Variants in RGS7 observed in about 807,000 individuals in gnomAD.
RGS7 encodes the protein regulator of G protein signaling 7, also known as regulator of G-protein signaling 7.
RGS7 carries 27 observed loss-of-function variants against 81.1 expected under a neutral mutation model. That is an observed-to-expected ratio of 0.33 (90% CI 0.25 to 0.46). RGS7 has a LOEUF of 0.46. Ranked by LOEUF, RGS7 falls within the 20% of genes least tolerant of loss-of-function variation. The probability of loss-of-function intolerance (pLI) is 1.00; values close to 1 mark genes in which losing one functional copy is unlikely to be tolerated. For synonymous variants in RGS7, 208 were observed against 207.7 expected (o/e 1.00, Z -0.01); for missense variants, 396 against 607.4 (o/e 0.65, Z 3.66).
At chr1:241,064,873 G>A (rs998890781) in intron 3 of RGS7, among the ~76,000 whole-genome samples, 15 of 152,184 alleles carry the variant, frequency 9.9e-5, no homozygotes, top group African/African-American at 3.4e-4. Context: ...CTCTCCAATA[G>A]AAACACCTCC....
At chr1:240,972,696 TA>T (rs34149848) in intron 4 of RGS7, among the ~76,000 whole-genome samples, 55,083 of 103,212 alleles carry the variant, frequency 0.53, 11,133 homozygotes, top group South Asian at 0.64. Flanking sequence ...TAAAGTATAA[TA>T]AAAAAAAAAA....
chr1:240,838,967 A>T (rs1171248898), intron 9 of RGS7, among the ~76,000 whole-genome samples: 1 of 152,080 alleles, frequency 6.6e-6, no homozygotes, highest in African/African-American at 2.4e-5. Context: ...GGGTTTCACC[A>T]TGTTGGCCAA....
chr1:240,999,390 C>T (rs1253323120), intron 3 of RGS7, among the ~76,000 whole-genome samples: 2 of 151,864 alleles, frequency 1.3e-5, no homozygotes, highest in Non-Finnish European at 2.9e-5. Context: ...AAAAAACAAC[C>T]AACCTCATAA....
At position 241,071,454 on chromosome 1, in the gene RGS7, A is replaced by G. The variant is rs201211072; in HGVS notation, c.175+27212T>C. ...TTAGAGAACATGTATGAGTTCAAAT[A>G]TAATTACAAATAAGTAAAAATATGT... On this transcript the variant is annotated intron_variant, in intron 3 of 18. Coordinates refer to ENST00000440928, the MANE Select transcript of RGS7 (RefSeq NM_001364886.1). Among the ~76,000 whole-genome samples the G allele has an allele frequency of 2.1e-4, 32 of 151,818 alleles. No homozygotes were observed. The East Asian group carries it at 5.6e-3, about 27-fold the overall frequency.
intron 2 of RGS7, among the ~76,000 whole-genome samples, chr1:241,139,205 T>C (rs1329890614): frequency 6.6e-6 from 1 of 151,052 alleles, no homozygotes; most frequent in Non-Finnish European, 1.5e-5. Context: ...CTTTCCTTCC[T>C]TTCTTCCTCC....
chr1:241,177,407 A>G (rs2071236594), intron 2 of RGS7, among the ~76,000 whole-genome samples: 1 of 152,158 alleles, frequency 6.6e-6, no homozygotes. Context: ...TGGAGCGTAG[A>G]CAGGGATGGC....
chr1:241,062,102 G>T (rs756924870), intron 3 of RGS7, among the ~76,000 whole-genome samples: 5 of 152,176 alleles, frequency 3.3e-5, no homozygotes, highest in Non-Finnish European at 7.3e-5. Context: ...ATTCAAAAGT[G>T]ATCTTCTATA....
At position 240,973,875 on chromosome 1, in the gene RGS7, C is replaced by T. The variant is rs149815468; in HGVS notation, c.226+9204G>A. On this transcript the variant is annotated intron_variant, in intron 4 of 18. Coordinates refer to ENST00000440928, the MANE Select transcript of RGS7 (RefSeq NM_001364886.1). Reference sequence around the variant, plus strand: ...GATTACAGGCGTGAGCCACTGCGCCCGGCCAGAGACATTCTTTACTTTCTC... The same window carrying T: ...GATTACAGGCGTGAGCCACTGCGCCTGGCCAGAGACATTCTTTACTTTCTC... Among the ~76,000 whole-genome samples the T allele has an allele frequency of 6.4e-3, 976 of 152,234 alleles. 13 individuals are homozygous for T. The highest frequency in any genetic ancestry group is 0.022 in the African/African-American group (932 of 41,546).
At chr1:240,908,711 G>T (rs373715876) in intron 6 of RGS7, among the ~76,000 whole-genome samples, 1 of 152,134 alleles carries the variant, frequency 6.6e-6, no homozygotes, top group East Asian at 1.9e-4. Flanking sequence ...ATTGTCACTT[G>T]AAAAAGGTAC....
intron 2 of RGS7, among the ~76,000 whole-genome samples, chr1:241,135,098 G>A (rs1286101688): frequency 6.6e-6 from 1 of 152,134 alleles, no homozygotes; most frequent in Non-Finnish European, 1.5e-5. Context: ...CGCCATTTTA[G>A]GCATCAGACC....
chr1:241,237,095 G>T (rs1558222154), intron 2 of RGS7, among the ~76,000 whole-genome samples: 1 of 152,126 alleles, frequency 6.6e-6, no homozygotes, highest in Non-Finnish European at 1.5e-5. Context: ...AGAGAAGGAA[G>T]AAAAGAAAAT....
chr1:240,863,053 A>G (rs1161316846), intron 9 of RGS7, among the ~76,000 whole-genome samples: 1 of 152,036 alleles, frequency 6.6e-6, no homozygotes, highest in African/African-American at 2.4e-5. Context: ...TCCTGGCCGC[A>G]AGGAATCCTC....
chr1:241,321,937 C>T (rs1230097254), intron 2 of RGS7, among the ~76,000 whole-genome samples: 1 of 152,164 alleles, frequency 6.6e-6, no homozygotes, highest in Admixed American at 6.5e-5. Flanking sequence ...CCACATGTCC[C>T]TTGCAAAATC....
chr1:241,195,792 C>A (rs2073025405), intron 2 of RGS7, among the ~76,000 whole-genome samples: 1 of 150,840 alleles, frequency 6.6e-6, no homozygotes, highest in South Asian at 2.1e-4. Context: ...ATATTGAGAA[C>A]AAAAGAGGGA....
chr1:241,165,638 G>C (rs1002198986), intron 2 of RGS7, among the ~76,000 whole-genome samples: 2 of 145,226 alleles, frequency 1.4e-5, no homozygotes, highest in African/African-American at 5.1e-5. Flanking sequence ...TGTGGGGTAG[G>C]GGGAGGGGGG....
intron 2 of RGS7, among the ~76,000 whole-genome samples, chr1:241,325,304 C>T (rs561533417): frequency 2.6e-5 from 4 of 152,276 alleles, no homozygotes; most frequent in East Asian, 1.9e-4. Flanking sequence ...TCTTATTGAG[C>T]GATCACAGTG....
chr1:241,177,641 C>T (rs78013016), intron 2 of RGS7, among the ~76,000 whole-genome samples: 3,531 of 152,178 alleles, frequency 0.023, 158 homozygotes, highest in African/African-American at 0.08. Flanking sequence ...CAATTGGGTA[C>T]TGCAGAAGTT....
At chr1:240,938,268 T>C (rs1414131628) in intron 4 of RGS7, among the ~76,000 whole-genome samples, 1 of 152,192 alleles carries the variant, frequency 6.6e-6, no homozygotes, top group Non-Finnish European at 1.5e-5. Flanking sequence ...GCCTACTGTA[T>C]GTAGAAAATA....
chr1:240,862,698 G>T (rs1245489122), intron 9 of RGS7, among the ~76,000 whole-genome samples: 2 of 152,050 alleles, frequency 1.3e-5, no homozygotes, highest in African/African-American at 4.8e-5. Context: ...AAGGCAAATC[G>T]ATTCAGGAAA....
Sources: gnomAD v4.1 joint callset for allele counts (sites outside exome capture counted in the v4.1 genomes callset) on GRCh38, gnomAD v4.1.1 for gene constraint, MANE v1.5 for transcripts, NCBI Gene and HGNC (gene_info 2026-07-23, HGNC 2026-07-21) for gene names.